Variants in IGDCC4 observed in about 807,000 individuals in gnomAD.
IGDCC4 encodes the protein immunoglobulin superfamily DCC subclass member 4.
Under a neutral mutation model 116.6 loss-of-function variants are expected in IGDCC4, and 72 were observed. That is an observed-to-expected ratio of 0.62 (90% confidence interval 0.51 to 0.75). The LOEUF is 0.75. Among genes scored for constraint, IGDCC4 ranks in the 30% least tolerant of loss-of-function variants. The pLI, the probability that IGDCC4 is intolerant of heterozygous loss-of-function variation, is 0.00. For synonymous variants in IGDCC4, 709 were observed against 719.9 expected (o/e 0.98, Z 0.24); for missense variants, 1,501 against 1,662.4 (o/e 0.90, Z 1.69).
intron 6 of IGDCC4, 48 bp from the exon 7 acceptor site, chr15:65,396,211 T>C (rs1352008924): frequency 4.2e-6 from 6 of 1,414,622 alleles, no homozygotes; most frequent in South Asian, 1.3e-5. Context: ...GCAACTAAGG[T>C]CTCTGCCCCC....
chr15:65,411,770 C>T (rs2063096572), intron 1 of IGDCC4, among the ~76,000 whole-genome samples: 2 of 152,158 alleles, frequency 1.3e-5, no homozygotes, highest in African/African-American at 4.8e-5. Flanking sequence ...CTACGAAATG[C>T]CCAGAGGAGG....
In IGDCC4 at chr15:65,411,020, T is replaced by C. The variant is rs1259865787; in HGVS notation, c.421A>G (p.Thr141Ala). The change falls in exon 2 of 20, where the codon ACA becomes GCA. Residue 141 changes from threonine to alanine, a missense_variant and splice_region_variant. By Grantham distance (58) the Thr-to-Ala change is moderately conservative. Transcript: ENST00000352385. ...ASQTAVVKLA[T>A]LADFSLHPES... The stretch of plus-strand genomic sequence containing the variant: ...ACCCCCGCCCGATGCAAGCACTTAC[T>C]GGCAAGCTTGACGACAGCAGTCTGG... The C allele has an allele frequency of 1.2e-6, 2 of 1,603,808 alleles. No homozygotes were observed. The highest frequency in any genetic ancestry group is 3.4e-5 in the Admixed American group (2 of 59,548).
At chr15:65,412,511 C>CAAA (rs3082805) in intron 1 of IGDCC4, among the ~76,000 whole-genome samples, 302 of 16,718 alleles carry the variant, frequency 0.018, 102 homozygotes, top group Admixed American at 0.033. Flanking sequence ...GATTCCATCT[C>CAAA]AAAAAAAAAA....
intron 1 of IGDCC4, among the ~76,000 whole-genome samples, chr15:65,413,571 T>C (rs2063117500): frequency 6.6e-6 from 1 of 152,214 alleles, no homozygotes; most frequent in South Asian, 2.1e-4. Context: ...CCAGCCACCA[T>C]TATTCATAGA....
At chr15:65,416,484 G>A (rs1213069755) in intron 1 of IGDCC4, among the ~76,000 whole-genome samples, 1 of 152,120 alleles carries the variant, frequency 6.6e-6, no homozygotes, top group East Asian at 1.9e-4. Flanking sequence ...AGCAATATTT[G>A]TTTTAATATA....
At chr15:65,388,674 C>A in intron 15 of IGDCC4, 88 bp from the exon 16 acceptor site, 1 of 1,599,730 alleles carries the variant, frequency 6.3e-7, no homozygotes. Flanking sequence ...GGAGAGTCTG[C>A]TCTCCACTTA....
rs2292933 is a variant in IGDCC4, at chr15:65,384,279, T to C, written c.3483A>G (p.Pro1161=). The C allele has an allele frequency of 0.42, 675,175 of 1,604,698 alleles. 146,757 individuals carry two copies. The highest frequency in any genetic ancestry group is 0.68 in the East Asian group (30,324 of 44,656). The part of the protein sequence containing the change: ...QDLEPEDPLP[P]EAPDLISGVG... ...CACCCGAGATGAGATCAGGAGCCTC[T>C]GGAGGCAGGGGGTCCTCAGGCTCCA... The change falls in exon 20 of 20, where the codon CCA becomes CCG. Residue 1161 remains proline (P), a synonymous_variant. Transcript: ENST00000352385. This position sits in a 1 kb window ranked among gnomAD's most constrained non-coding sequence, Gnocchi z 4.9.
chr15:65,386,843 G>A lies in IGDCC4; in HGVS notation c.2846-187C>T, dbSNP rs116475339. On this transcript the variant is annotated intron_variant, in intron 16 of 19. Coordinates refer to ENST00000352385, the MANE Select transcript of IGDCC4 (RefSeq NM_020962.3). ...AGAAACTACTACTACCTCTCCCTCT[G>A]ACTGTCCTCCCTAAAACACACCCAG... Among the ~76,000 whole-genome samples, 331 of 152,254 alleles carry A rather than the reference G, an allele frequency of 2.2e-3. 2 individuals are homozygous for A. Among genetic ancestry groups the A allele is most frequent in the African/African-American group, 7.6e-3 (315 of 41,524 alleles).
intron 11 of IGDCC4, 65 bp downstream of exon 11, chr15:65,392,069 A>G: frequency 6.5e-7 from 1 of 1,536,748 alleles, no homozygotes; most frequent in Non-Finnish European, 8.8e-7. Context: ...TAACTTCTTC[A>G]CACAACTTGC....
intron 18 of IGDCC4, chr15:65,385,385 G>T (rs1045225972): frequency 3.6e-6 from 2 of 552,302 alleles, no homozygotes; most frequent in Non-Finnish European, 6.4e-6. Flanking sequence ...GAGGGTGAGG[G>T]AGGACGGGTC....
At position 65,386,579 on chromosome 15, in the gene IGDCC4, A is replaced by C. The variant is rs1446556696; in HGVS notation, c.2923T>G (p.Cys975Gly). The C allele has an allele frequency of 6.2e-7, 1 of 1,610,402 alleles. No homozygotes were observed. The highest frequency in any genetic ancestry group is 1.1e-5 in the South Asian group (1 of 90,164). The change falls in exon 17 of 20, where the codon TGT becomes GGT. Residue 975 changes from cysteine (C) to glycine (G), a missense_variant. Coordinates refer to ENST00000352385, the MANE Select transcript of IGDCC4 (RefSeq NM_020962.3). The stretch of plus-strand genomic sequence containing the variant: ...TGGGGGCTGCGGCGCAGGCCAGCAC[A>C]CATGCAGGCCAGGAGGCAGAGGAGG... The part of the protein sequence containing the change: ...LGLLCLLACM[C>G]AGLRRSPHRE...
rs1567083034 is a variant in IGDCC4, at chr15:65,393,319, C to T, written c.1885+42G>A. 2 of 1,544,538 alleles carry T rather than the reference C, an allele frequency of 1.3e-6. No individual in the cohort carries two copies. Among genetic ancestry groups the T allele is most frequent in the Non-Finnish European group, 1.8e-6 (2 of 1,140,130 alleles). ...TCCCAAGGACACACGCACACCCACA[C>T]AGTCACACACACACTGTCCTGTCTC... On this transcript the variant is annotated intron_variant, in intron 10 of 19. Transcript: ENST00000352385. This position sits in a 1 kb window ranked among gnomAD's most constrained non-coding sequence, Gnocchi z 4.6.
intron 3 of IGDCC4, among the ~76,000 whole-genome samples, chr15:65,403,308 T>G (rs2063007823): frequency 6.6e-6 from 1 of 152,176 alleles, no homozygotes; most frequent in African/African-American, 2.4e-5. Context: ...TTTGGGGACA[T>G]GTAGGCTTCT....
intron 9 of IGDCC4, among the ~76,000 whole-genome samples, chr15:65,394,027 G>T (rs1245106451): frequency 6.6e-6 from 1 of 152,000 alleles, no homozygotes; most frequent in Non-Finnish European, 1.5e-5. Flanking sequence ...CTGAGACAGA[G>T]TTTTGCTCTG....
rs766848486 is a variant in IGDCC4 at position 65,390,193 on chromosome 15, C to G, written c.2370G>C (p.Trp790Cys). 2.1e-5 allele frequency: 33 copies of G among 1,603,696 alleles called. 1 individual carries two copies. The South Asian group carries it at 3.5e-4, about 17-fold the overall frequency. The change falls in exon 13 of 20, where the codon TGG becomes TGC. Residue 790 changes from tryptophan to cysteine, a missense_variant. Coordinates refer to ENST00000352385, the MANE Select transcript of IGDCC4 (RefSeq NM_020962.3). ...IVNYTVRFSP[W>C]GLRNASLVTY... ...TGACCAGGGAGGCATTCCTGAGCCC[C>G]CAGGGGCTGAAGCGCACAGTGTAGT... is the stretch of plus-strand genomic sequence containing the variant.
chr15:65,406,606 C>T (rs2140226465), intron 3 of IGDCC4, among the ~76,000 whole-genome samples: 2 of 152,294 alleles, frequency 1.3e-5, no homozygotes, highest in African/African-American at 4.8e-5. Flanking sequence ...AACCACTGGG[C>T]TGAGTTTATG....
chr15:65,396,578 A>C, intron 6 of IGDCC4: 1 of 583,962 alleles, frequency 1.7e-6, no homozygotes, highest in Non-Finnish European at 3.0e-6. Context: ...CCCCAGTCAC[A>C]ACTCCCCGCT....
intron 6 of IGDCC4, 53 bp from the exon 7 acceptor site, chr15:65,396,216 G>GGC: frequency 1.0e-5 from 12 of 1,188,150 alleles, no homozygotes; most frequent in South Asian, 3.5e-5. Context: ...TAAGGTCTCT[G>GGC]CCCCCCCCCC....
intron 1 of IGDCC4, among the ~76,000 whole-genome samples, chr15:65,422,067 C>G (rs922787413): frequency 2.6e-5 from 4 of 152,046 alleles, no homozygotes; most frequent in Non-Finnish European, 5.9e-5. Context: ...TGAGAACAAG[C>G]GCTGGACATG....
Sources: allele counts gnomAD v4.1 joint callset (sites outside exome capture counted in the v4.1 genomes callset), GRCh38; gene constraint gnomAD v4.1.1; non-coding constraint Gnocchi (gnomAD v3.1); transcripts MANE v1.5; gene names NCBI Gene and HGNC (gene_info 2026-07-23, HGNC 2026-07-21).